The following NUFIP1 variants were observed in gnomAD, a reference collection of about 807,000 sequenced individuals.
NUFIP1 encodes the protein FMR1-interacting protein NUFIP1.
Under a neutral mutation model 56.2 loss-of-function variants are expected in NUFIP1, and 38 were observed. The ratio of observed to expected loss-of-function variants is 0.68; its 90% CI spans 0.52 to 0.89. The LOEUF is 0.89. Ranked by LOEUF, NUFIP1 falls within the 40% of genes least tolerant of loss-of-function variation. The probability of loss-of-function intolerance (pLI) is 0.00; values close to 1 mark genes in which losing one functional copy is unlikely to be tolerated. For missense variants in NUFIP1, 567 were observed against 605.8 expected, an observed-to-expected ratio of 0.94 and a Z score of 0.67; for synonymous variants, 215 against 212.4, an observed-to-expected ratio of 1.01 and a Z score of -0.10.
In NUFIP1 at chr13:44,948,141, C is replaced by CTTT. The variant is rs61398364; in HGVS notation, c.1138+1578_1138+1580dup. 7.7e-3 allele frequency among the ~76,000 whole-genome samples: 927 copies of CTTT among 120,800 alleles called. 41 individuals are homozygous for CTTT. The highest frequency in any genetic ancestry group is 0.029 in the African/African-American group (829 of 28,176). The allele number at this position is 120,800 out of a possible 152,430, so 79.2% of individuals were successfully genotyped here. A position where few individuals can be genotyped will look rare whatever the true frequency, so the allele number is the denominator to read the frequency against. Reference sequence around the variant, plus strand: ...TGCCATCTCCATCAAACTACATTTCCTTTTTTTTTTTTTTTTTTTTTGAGC... The same window carrying CTTT: ...TGCCATCTCCATCAAACTACATTTCCTTTTTTTTTTTTTTTTTTTTTTTTGAGC... On this transcript the variant is annotated intron_variant, in intron 8 of 9. Coordinates refer to ENST00000379161, the MANE Select transcript of NUFIP1 (RefSeq NM_012345.3).
At chr13:44,980,279 C>T (rs192381310) in intron 3 of NUFIP1, among the ~76,000 whole-genome samples, 1 of 152,374 alleles carries the variant, frequency 6.6e-6, no homozygotes, top group East Asian at 1.9e-4. Flanking sequence ...AAACCAAAGG[C>T]TTCCTTTTAA....
At chr13:44,972,098 T>C (rs779610609) in intron 5 of NUFIP1, among the ~76,000 whole-genome samples, 9 of 152,162 alleles carry the variant, frequency 5.9e-5, no homozygotes, top group Non-Finnish European at 1.2e-4. Context: ...CCTACACAGT[T>C]TGGCAGTTTC....
intron 2 of NUFIP1, among the ~76,000 whole-genome samples, 164 bp from the exon 3 acceptor site, chr13:44,980,984 C>A (rs1412840123): frequency 6.6e-6 from 1 of 151,868 alleles, no homozygotes; most frequent in African/African-American, 2.4e-5. Context: ...TATTCTATTT[C>A]TTTCTTTCAT....
intron 1 of NUFIP1, 34 bp downstream of exon 1, chr13:44,988,991 T>A (rs1872543854): frequency 6.2e-7 from 1 of 1,607,674 alleles, no homozygotes; most frequent in African/African-American, 1.3e-5. Context: ...GGGAAAAAGG[T>A]AAAGGGGTCG....
chr13:44,981,763 G>A (rs1872197826), intron 2 of NUFIP1, among the ~76,000 whole-genome samples: 1 of 152,042 alleles, frequency 6.6e-6, no homozygotes, highest in Admixed American at 6.6e-5. Context: ...AGTGAGCCAA[G>A]ATCGTACCAC....
At chr13:44,952,943 C>T (rs899807129) in intron 7 of NUFIP1, among the ~76,000 whole-genome samples, 6 of 152,134 alleles carry the variant, frequency 3.9e-5, no homozygotes, top group Non-Finnish European at 7.4e-5. Context: ...GAATGTCCCT[C>T]AGTTTGGGTC....
rs367933009 is a variant in NUFIP1 at position 44,939,761 on chromosome 13, T to C, written c.*1445A>G. 38 of 152,204 alleles carry C rather than the reference T, an allele frequency of 2.5e-4. No individual in the cohort carries two copies. The highest frequency in any genetic ancestry group is 9.2e-4 in the Admixed American group (14 of 15,288). The allele number at this position is 152,204 out of a possible 1,614,324, so 9.4% of individuals were successfully genotyped here. ...ATTTATTATCAGGAAACAAGAAAAA[T>C]GGAAAATAAAACTGTTTCTATAATA... is the stretch of plus-strand genomic sequence containing the variant. On this transcript the variant is annotated 3_prime_UTR_variant, in exon 10 of 10. Coordinates refer to ENST00000379161, the MANE Select transcript of NUFIP1 (RefSeq NM_012345.3).
intron 7 of NUFIP1, 103 bp from the exon 8 acceptor site, chr13:44,949,941 T>C (rs1012969896): frequency 5.1e-6 from 4 of 777,950 alleles, no homozygotes; most frequent in African/African-American, 5.1e-5. Flanking sequence ...TTTCTGATCA[T>C]TTCCTTAATC....
chr13:44,985,846 CAT>C (rs2137929051), intron 1 of NUFIP1, among the ~76,000 whole-genome samples: 1 of 152,300 alleles, frequency 6.6e-6, no homozygotes, highest in East Asian at 1.9e-4. Context: ...GGAAGAGTCA[CAT>C]GTCTCTCATT....
At chr13:44,948,144 T>TC (rs1870958448) in intron 8 of NUFIP1, among the ~76,000 whole-genome samples, 1 of 146,516 alleles carries the variant, frequency 6.8e-6, no homozygotes, top group Admixed American at 6.7e-5. Context: ...ACATTTCCTT[T>TC]TTTTTTTTTT....
At chr13:44,963,798 T>C (rs1265972867) in intron 6 of NUFIP1, among the ~76,000 whole-genome samples, 1 of 152,154 alleles carries the variant, frequency 6.6e-6, no homozygotes, top group Non-Finnish European at 1.5e-5. Context: ...TGCTCAAGAG[T>C]TGTGTTTCAA....
intron 5 of NUFIP1, among the ~76,000 whole-genome samples, chr13:44,976,956 T>C (rs1566063623): frequency 6.6e-6 from 1 of 152,298 alleles, no homozygotes; most frequent in East Asian, 1.9e-4. Flanking sequence ...TTATGAGGGT[T>C]CTGCCTTCAT....
At chr13:44,950,549 GT>G (rs1046482405) in intron 7 of NUFIP1, among the ~76,000 whole-genome samples, 1 of 152,180 alleles carries the variant, frequency 6.6e-6, no homozygotes, top group African/African-American at 2.4e-5. Flanking sequence ...GATTCACCAT[GT>G]TGGCCAGGCT....
chr13:44,962,767 G>A (rs1871466898), intron 6 of NUFIP1, among the ~76,000 whole-genome samples: 1 of 152,112 alleles, frequency 6.6e-6, no homozygotes, highest in South Asian at 2.1e-4. Context: ...CATGGTAAGT[G>A]TCCCATTCAG....
chr13:44,988,666 T>A (rs1282096133), intron 1 of NUFIP1, among the ~76,000 whole-genome samples: 1 of 152,182 alleles, frequency 6.6e-6, no homozygotes, highest in Non-Finnish European at 1.5e-5. Flanking sequence ...CGGAATTCAA[T>A]AAATAACTGC....
intron 5 of NUFIP1, among the ~76,000 whole-genome samples, chr13:44,967,403 G>A (rs1871643178): frequency 6.6e-6 from 1 of 151,940 alleles, no homozygotes. Context: ...AGCTACTCAG[G>A]AGGCTGAGAC....
chr13:44,989,452 G>A lies in NUFIP1; in HGVS notation c.-16C>T, dbSNP rs772892326. 3.1e-6 allele frequency: 5 copies of A among 1,610,920 alleles called. No individual in the cohort carries two copies. The highest frequency in any genetic ancestry group is 3.4e-5 in the Admixed American group (2 of 59,516). ...GCTCAGCCATACCACTGGCGGGTCCGGAGTCTAGCACGCGACTGTGGAGCA... is the reference window on the plus strand; with the variant it reads ...GCTCAGCCATACCACTGGCGGGTCCAGAGTCTAGCACGCGACTGTGGAGCA... On this transcript the variant is annotated 5_prime_UTR_variant, in exon 1 of 10. Coordinates refer to ENST00000379161, the MANE Select transcript of NUFIP1 (RefSeq NM_012345.3).
At chr13:44,976,933 T>C (rs1169218502) in intron 5 of NUFIP1, among the ~76,000 whole-genome samples, 2 of 152,192 alleles carry the variant, frequency 1.3e-5, no homozygotes, top group Non-Finnish European at 2.9e-5. Flanking sequence ...AATCCATGAA[T>C]GAATTAATCC....
chr13:44,970,518 G>C (rs980447279), intron 5 of NUFIP1, among the ~76,000 whole-genome samples: 1 of 152,188 alleles, frequency 6.6e-6, no homozygotes, highest in Non-Finnish European at 1.5e-5. Context: ...TCATCGGAAA[G>C]AATGTAGCTC....
Sources: allele counts gnomAD v4.1 joint callset (sites outside exome capture counted in the v4.1 genomes callset), GRCh38; gene constraint gnomAD v4.1.1; transcripts MANE v1.5; gene names NCBI Gene and HGNC (gene_info 2026-07-23, HGNC 2026-07-21).